Variants in SLIT1 observed in about 807,000 individuals in gnomAD.
SLIT1 encodes the protein slit homolog 1 protein.
Under a neutral mutation model 186.1 loss-of-function variants are expected in SLIT1, and 66 were observed. The ratio of observed to expected loss-of-function variants is 0.35; its 90% confidence interval spans 0.29 to 0.44. The LOEUF (loss-of-function observed/expected upper bound fraction) is 0.44, where lower values mean the gene tolerates loss of function less well. SLIT1 is among the 20% of genes least tolerant of loss of function. SLIT1 has a pLI of 1.00. For missense variants in SLIT1, 1,638 were observed against 2,037.4 expected, an observed-to-expected ratio of 0.80 and a Z score of 3.77; for synonymous variants, 761 against 833.8, an observed-to-expected ratio of 0.91 and a Z score of 1.50.
chr10:97,060,212 G>A, intron 9 of SLIT1, 54 bp from the exon 10 acceptor site: 2 of 1,419,416 alleles, frequency 1.4e-6, no homozygotes, highest in South Asian at 2.3e-5. Flanking sequence ...CCCAGCCCTG[G>A]GTGTTATCTG....
intron 36 of SLIT1, 122 bp downstream of exon 36, chr10:97,002,036 T>G: frequency 1.8e-6 from 1 of 560,350 alleles, no homozygotes; most frequent in Non-Finnish European, 3.0e-6. Flanking sequence ...AGCCCCATAG[T>G]AGCCCATGGT....
intron 30 of SLIT1, 79 bp downstream of exon 30, chr10:97,013,662 G>C: frequency 9.9e-7 from 1 of 1,008,686 alleles, no homozygotes; most frequent in Non-Finnish European, 1.5e-6. Flanking sequence ...ATGAGGGTGG[G>C]GCACGGAGCC....
In SLIT1 at chr10:97,013,773, C is replaced by G. The variant is rs1564653490; in HGVS notation, c.3171G>C (p.Glu1057Asp). 6.4e-7 allele frequency: 1 copy of G among 1,551,504 alleles called. No homozygotes were observed. Among genetic ancestry groups the G allele is most frequent in the Non-Finnish European group, 8.7e-7 (1 of 1,146,992 alleles). The change falls in exon 30 of 37, where the codon GAG (glutamate) becomes GAC (aspartate). Residue 1057 changes from glutamate to aspartate, a missense_variant. Physicochemically the swap from Glu to Asp is conservative, Grantham distance 45. Coordinates refer to ENST00000266058, the MANE Select transcript of SLIT1 (RefSeq NM_003061.3). ...CATCCGGGGTGCCCACACACTGGGC[C>G]TCGTGTTGACATGGGTTCAGATCCG... ...CSPDLNPCQH[E>D]AQCVGTPDGP... is the part of the protein sequence containing the mutation.
rs751771492 is a variant in SLIT1, at chr10:97,048,988, C to T, written c.1432G>A (p.Gly478Arg). 2.2e-5 allele frequency: 36 copies of T among 1,611,070 alleles called. No homozygotes were observed. Among genetic ancestry groups the T allele is most frequent in the Admixed American group, 1.5e-4 (9 of 59,958 alleles). The change falls in exon 14 of 37, where the codon GGG becomes AGG. Residue 478 changes from glycine (G) to arginine (R), a missense_variant. Physicochemically the swap from Gly to Arg is moderately radical, Grantham distance 125. Transcript: ENST00000266058. ...CGGAACTTCTTGCTCTTGATCTGCCCGATGCGCTTGTTGGCGAGGCGCCGG... is the reference window on the plus strand; with the variant it reads ...CGGAACTTCTTGCTCTTGATCTGCCTGATGCGCTTGTTGGCGAGGCGCCGG... ...SPRRLANKRI[G>R]QIKSKKFRCS...
At chr10:97,161,632 G>A (rs1210177088) in intron 3 of SLIT1, among the ~76,000 whole-genome samples, 3 of 152,154 alleles carry the variant, frequency 2.0e-5, no homozygotes, top group Non-Finnish European at 4.4e-5. Flanking sequence ...CAAAAAATTA[G>A]CTGGGCGTGG....
At chr10:97,111,312 C>G (rs996019181) in intron 4 of SLIT1, among the ~76,000 whole-genome samples, 1 of 152,080 alleles carries the variant, frequency 6.6e-6, no homozygotes, top group Non-Finnish European at 1.5e-5. Context: ...CATTAAAAAC[C>G]ACAGAGACAA....
intron 4 of SLIT1, among the ~76,000 whole-genome samples, chr10:97,113,919 C>T (rs1198232801): frequency 6.6e-6 from 1 of 152,138 alleles, no homozygotes; most frequent in Non-Finnish European, 1.5e-5. Flanking sequence ...AAGACATGCC[C>T]ACGGTCACAT....
At chr10:97,157,076 T>C (rs1302217658) in intron 4 of SLIT1, among the ~76,000 whole-genome samples, 1 of 152,188 alleles carries the variant, frequency 6.6e-6, no homozygotes, top group Non-Finnish European at 1.5e-5. Context: ...TTTTCTAATT[T>C]ACTTATTTGT....
intron 13 of SLIT1, among the ~76,000 whole-genome samples, chr10:97,053,706 T>G (rs1589376219): frequency 6.6e-6 from 1 of 152,158 alleles, no homozygotes; most frequent in Non-Finnish European, 1.5e-5. Flanking sequence ...GAATTAAAGA[T>G]GTAGATGAAG....
intron 4 of SLIT1, among the ~76,000 whole-genome samples, chr10:97,097,098 C>A (rs1849299765): frequency 6.6e-6 from 1 of 152,214 alleles, no homozygotes. Flanking sequence ...GGGCTCCTCA[C>A]TAGCACCCGC....
intron 20 of SLIT1, among the ~76,000 whole-genome samples, chr10:97,041,958 C>T (rs1243451231): frequency 6.6e-6 from 1 of 151,948 alleles, no homozygotes; most frequent in East Asian, 1.9e-4. Context: ...TTAAACAAAT[C>T]AGACATTTTT....
intron 8 of SLIT1, 120 bp downstream of exon 8, chr10:97,063,335 G>T: frequency 9.3e-7 from 1 of 1,078,144 alleles, no homozygotes; most frequent in South Asian, 1.4e-5. Context: ...GGGGCCAGGT[G>T]ATGGGCGGGG....
At chr10:97,046,621 G>A (rs1394972018) in intron 18 of SLIT1, 33 bp downstream of exon 18, 2 of 1,568,642 alleles carry the variant, frequency 1.3e-6, no homozygotes, top group Non-Finnish European at 1.7e-6. Context: ...TCCTGCAGCT[G>A]GCCCACCCTG....
At chr10:97,149,387 T>A (rs537542248) in intron 4 of SLIT1, among the ~76,000 whole-genome samples, 1 of 152,282 alleles carries the variant, frequency 6.6e-6, no homozygotes, top group East Asian at 1.9e-4. Flanking sequence ...CCCCAAATTG[T>A]TCTCTGTGTA....
rs1489043752 is a variant in SLIT1 at position 97,000,966 on chromosome 10, C to T, written c.*146G>A. ...CGCAATTTGCTTTTAAAAGGCTGCT[C>T]TGGCACCACCCCACCCAGGAGGGCC... On this transcript the variant is annotated 3_prime_UTR_variant, in exon 37 of 37. Transcript: ENST00000266058. 4 of 651,066 alleles carry T rather than the reference C, an allele frequency of 6.1e-6. No individual in the cohort carries two copies. The highest frequency in any genetic ancestry group is 5.8e-5 in the Admixed American group (2 of 34,594). 40.3% of individuals were successfully genotyped at this position (651,066 alleles called of 1,614,324 possible).
chr10:97,128,797 G>A (rs530336727), intron 4 of SLIT1, among the ~76,000 whole-genome samples: 3 of 152,226 alleles, frequency 2.0e-5, no homozygotes, highest in South Asian at 2.1e-4. Flanking sequence ...AGATCCTGCC[G>A]GAGGGAGAAA....
In SLIT1 at chr10:97,035,877, C is replaced by T. The variant is rs553266197; in HGVS notation, c.2367-1335G>A. On this transcript the variant is annotated intron_variant, in intron 22 of 36. Coordinates refer to ENST00000266058, the MANE Select transcript of SLIT1 (RefSeq NM_003061.3). ...CCCCAGACAGCTTATTCCCTCTGCC[C>T]ACCAATGAACTCCAGCTCGTGTTCC... Among the ~76,000 whole-genome samples, 5 of 152,304 alleles carry T rather than the reference C, an allele frequency of 3.3e-5. No homozygotes were observed. The East Asian group carries it at 7.7e-4, about 24-fold the overall frequency.
Position 97,002,149 on chromosome 10 carries a change from GC to G in SLIT1, c.4366+8del. 7.0e-7 allele frequency: 1 copy of G among 1,428,182 alleles called. No individual in the cohort carries two copies. The allele number at this position is 1,428,182 out of a possible 1,614,324, so 88.5% of individuals were successfully genotyped here. A position where few individuals can be genotyped will look rare whatever the true frequency, so the allele number is the denominator to read the frequency against. Reference sequence around the variant, plus strand: ...CTGGGGAGGGCACGTCAGGAGGGGGGCCCCTGACCTTGCTCACACAGCTCGC... The same window carrying G: ...CTGGGGAGGGCACGTCAGGAGGGGGGCCCTGACCTTGCTCACACAGCTCGC... On this transcript the variant is annotated splice_region_variant and intron_variant, in intron 36 of 36. Transcript: ENST00000266058.
chr10:97,009,811 G>C (rs565235216), intron 31 of SLIT1, among the ~76,000 whole-genome samples: 1 of 152,160 alleles, frequency 6.6e-6, no homozygotes, highest in African/African-American at 2.4e-5. Context: ...ATTTGAAAAT[G>C]AGCAAAGAAC....
Sources: gnomAD v4.1 joint callset for allele counts (sites outside exome capture counted in the v4.1 genomes callset) on GRCh38, gnomAD v4.1.1 for gene constraint, MANE v1.5 for transcripts, NCBI Gene and HGNC (gene_info 2026-07-23, HGNC 2026-07-21) for gene names.